Variants in CACNA1A observed in about 807,000 individuals in gnomAD.
CACNA1A encodes calcium voltage-gated channel subunit alpha1 A, also known as voltage-dependent P/Q-type calcium channel subunit alpha-1A.
A neutral mutation model predicts 262.4 loss-of-function variants in CACNA1A; 57 were observed. That is an observed-to-expected ratio of 0.22 (90% CI 0.18 to 0.27). The LOEUF is 0.27. CACNA1A is among the 10% of genes least tolerant of loss of function. CACNA1A has a pLI of 1.00. For synonymous variants in CACNA1A, 1,431 were observed against 1,419.3 expected (o/e 1.01, Z -0.18); for missense variants, 2,526 against 3,562.8 (o/e 0.71, Z 7.41).
At chr19:13,313,109 G>A (rs1568524294) in intron 11 of CACNA1A, among the ~76,000 whole-genome samples, 2 of 152,012 alleles carry the variant, frequency 1.3e-5, no homozygotes, top group Non-Finnish European at 2.9e-5. Context: ...GATCCTCCCA[G>A]CACAGCCTCC....
At chr19:13,467,152 A>G (rs1006347812) in intron 1 of CACNA1A, among the ~76,000 whole-genome samples, 4 of 152,170 alleles carry the variant, frequency 2.6e-5, no homozygotes, top group Non-Finnish European at 5.9e-5. Context: ...TGTGTGTGGG[A>G]AAAAATTTGA....
intron 1 of CACNA1A, among the ~76,000 whole-genome samples, chr19:13,455,944 C>T (rs1243416675): frequency 6.7e-6 from 1 of 149,360 alleles, no homozygotes; most frequent in African/African-American, 2.5e-5. Flanking sequence ...GCGGTCAGGA[C>T]TTTGAGACCA....
intron 1 of CACNA1A, among the ~76,000 whole-genome samples, chr19:13,488,096 A>G (rs1980254270): frequency 6.6e-6 from 1 of 152,134 alleles, no homozygotes; most frequent in African/African-American, 2.4e-5. Flanking sequence ...AGCACTTTGA[A>G]TCATCCCATC....
chr19:13,214,651 G>T lies in CACNA1A; in HGVS notation c.5732-43C>A. 2 of 1,480,300 alleles carry T rather than the reference G, an allele frequency of 1.4e-6. No individual in the cohort carries two copies. Among genetic ancestry groups the T allele is most frequent in the Non-Finnish European group, 1.9e-6 (2 of 1,065,950 alleles). 91.7% of individuals were successfully genotyped at this position (1,480,300 alleles called of 1,614,324 possible). A position where few individuals can be genotyped will look rare whatever the true frequency, so the allele number is the denominator to read the frequency against. On this transcript the variant is annotated intron_variant, in intron 38 of 46. Coordinates refer to ENST00000360228, the MANE Select transcript of CACNA1A (RefSeq NM_001127222.2). This position sits in a 1 kb window ranked among gnomAD's most constrained non-coding sequence, Gnocchi z 4.1. The stretch of plus-strand genomic sequence containing the variant: ...ACAGACCCTGACTGCCTGCCTGGGT[G>T]TCAGCTGGACTCTGGGTCAGCTGCA...
rs1007419624 is a variant in CACNA1A, at chr19:13,313,498, T to TAAA, written c.1556-720_1556-718dup. ...CTGGGTGACAGAGCAAGACCTTGTC[T>TAAA]AAAAAAAAAAAAAAAAAAAAAAAGC... On this transcript the variant is annotated intron_variant, in intron 11 of 46. Coordinates refer to ENST00000360228, the MANE Select transcript of CACNA1A (RefSeq NM_001127222.2). Among the ~76,000 whole-genome samples, 204 of 65,688 alleles carry TAAA rather than the reference T, an allele frequency of 3.1e-3. 7 individuals carry two copies. Among genetic ancestry groups the TAAA allele is most frequent in the African/African-American group, 8.9e-3 (134 of 15,014 alleles). The allele number at this position is 65,688 out of a possible 152,430, so 43.1% of individuals were successfully genotyped here.
At chr19:13,228,630 T>A in intron 36 of CACNA1A, 1 of 410,960 alleles carries the variant, frequency 2.4e-6, no homozygotes, top group Non-Finnish European at 4.2e-6. Flanking sequence ...ATATATGAAA[T>A]ATATATATTG....
At chr19:13,279,648 C>G (rs2057239015) in intron 22 of CACNA1A, among the ~76,000 whole-genome samples, 1 of 151,964 alleles carries the variant, frequency 6.6e-6, no homozygotes, top group Non-Finnish European at 1.5e-5. Context: ...CCACGCCCGG[C>G]TAATTTTTGT....
rs3050829 is a variant in CACNA1A at position 13,213,672 on chromosome 19, CTTTTTTTTTTT to C, written c.5940+550_5940+560del. The C allele has an allele frequency of 6.5e-4, 57 of 87,682 alleles. 1 individual carries two copies. Among genetic ancestry groups the C allele is most frequent in the East Asian group, 2.2e-3 (8 of 3,718 alleles). The allele number at this position is 87,682 out of a possible 1,614,324, so 5.4% of individuals were successfully genotyped here. ...CCACATGATGTGTCCTTGGCAAGAA[CTTTTTTTTTTT>C]TTTTTTTTTTTTTTTTTGAGATAGA... On this transcript the variant is annotated intron_variant, in intron 40 of 46. Coordinates refer to ENST00000360228, the MANE Select transcript of CACNA1A (RefSeq NM_001127222.2).
chr19:13,466,734 C>A (rs2061249712), intron 1 of CACNA1A, among the ~76,000 whole-genome samples: 1 of 151,838 alleles, frequency 6.6e-6, no homozygotes, highest in Admixed American at 6.6e-5. Context: ...ACCACGCATC[C>A]TTGTGCACTT....
chr19:13,320,690 T>C (rs1203684030), intron 10 of CACNA1A, among the ~76,000 whole-genome samples: 2 of 152,126 alleles, frequency 1.3e-5, no homozygotes, highest in Non-Finnish European at 2.9e-5. Context: ...CTTCTGTTAG[T>C]TGAATTTCAT....
chr19:13,385,860 T>C (rs1234817036), intron 3 of CACNA1A, among the ~76,000 whole-genome samples: 1 of 151,962 alleles, frequency 6.6e-6, no homozygotes, highest in African/African-American at 2.4e-5. Flanking sequence ...GAAGGCTCAG[T>C]ATTTAAAGAA....
rs73922391 is a variant in CACNA1A, at chr19:13,418,441, A to G, written c.539+34435T>C. ...TTATGTTGATGTCCTAATCCCTGGA[A>G]TGCTACCTTATTTAGAAAAAATAAG... On this transcript the variant is annotated intron_variant, in intron 3 of 46. Coordinates refer to ENST00000360228, the MANE Select transcript of CACNA1A (RefSeq NM_001127222.2). Among the ~76,000 whole-genome samples, 589 of 152,298 alleles carry G rather than the reference A, an allele frequency of 3.9e-3. 6 individuals carry two copies. The highest frequency in any genetic ancestry group is 0.013 in the African/African-American group (543 of 41,554).
intron 46 of CACNA1A, 137 bp downstream of exon 46, chr19:13,208,619 T>G (rs1040989259): frequency 7.2e-5 from 82 of 1,131,676 alleles, no homozygotes; most frequent in Non-Finnish European, 9.0e-5. Flanking sequence ...CCCCGGTGGC[T>G]TGGGGGCAGG....
At position 13,334,372 on chromosome 19, in the gene CACNA1A, C is replaced by A. The variant is rs2058519990; in HGVS notation, c.1198+6G>T. ...ATCCCTGGGCCCCAGGATGAAAGGG[C>A]CTCACCTGCTTTTGAGATCCACTCC... On this transcript the variant is annotated splice_donor_region_variant and intron_variant, in intron 8 of 46. Transcript: ENST00000360228. 7.0e-7 allele frequency: 1 copy of A among 1,422,092 alleles called. No individual in the cohort carries two copies. The highest frequency in any genetic ancestry group is 1.1e-5 in the South Asian group (1 of 87,264). 88.1% of individuals were successfully genotyped at this position (1,422,092 alleles called of 1,614,324 possible).
rs781006387 is a variant in CACNA1A at position 13,298,641 on chromosome 19, C to T, written c.2992G>A (p.Gly998Arg). 36 of 1,520,620 alleles carry T rather than the reference C, an allele frequency of 2.4e-5. No individual in the cohort carries two copies. The highest frequency in any genetic ancestry group is 1.2e-4 in the South Asian group (10 of 81,642). The allele number at this position is 1,520,620 out of a possible 1,614,324, so 94.2% of individuals were successfully genotyped here. The change falls in exon 19 of 47, where the codon GGG becomes AGG. Residue 998 changes from glycine to arginine, a missense_variant. Gly to Arg is a moderately radical substitution (Grantham distance 125). Around this residue, in one of 17 missense-constraint regions of CACNA1A, gnomAD observed 765 missense variants for 748.6 expected, o/e 1.02. Transcript: ENST00000360228. ...GGEGEGEGPD[G>R]GERRRRHRHG... Reference sequence around the variant, plus strand: ...CGGTGCCTTCTCCTGCGCTCGCCCCCGTCGGGGCCCTCGCCCTCGCCCTCG... The same window carrying T: ...CGGTGCCTTCTCCTGCGCTCGCCCCTGTCGGGGCCCTCGCCCTCGCCCTCG...
At chr19:13,462,616 C>T (rs1338447814) in intron 1 of CACNA1A, among the ~76,000 whole-genome samples, 1 of 152,208 alleles carries the variant, frequency 6.6e-6, no homozygotes, top group African/African-American at 2.4e-5. Context: ...AACATTTCTA[C>T]AAGGTGGGTT....
chr19:13,318,735 G>A (rs1435633839), intron 10 of CACNA1A, among the ~76,000 whole-genome samples: 1 of 152,052 alleles, frequency 6.6e-6, no homozygotes, highest in Admixed American at 6.6e-5. Flanking sequence ...AAGAGAGAGG[G>A]ATGAGCCAAG....
chr19:13,223,762 G>A (rs1305482554), intron 38 of CACNA1A, among the ~76,000 whole-genome samples: 1 of 152,142 alleles, frequency 6.6e-6, no homozygotes, highest in Admixed American at 6.6e-5. Flanking sequence ...GGATCCATGA[G>A]ACACTGCCTT....
chr19:13,336,524 A>C (rs755326236), intron 6 of CACNA1A, among the ~76,000 whole-genome samples: 2 of 151,152 alleles, frequency 1.3e-5, no homozygotes, highest in Non-Finnish European at 2.9e-5. Flanking sequence ...GAAGGAAGTA[A>C]GATGAGGGGA....
Sources: allele counts gnomAD v4.1 joint callset (sites outside exome capture counted in the v4.1 genomes callset), GRCh38; gene constraint gnomAD v4.1.1; regional missense constraint gnomAD v4.1.1; non-coding constraint Gnocchi (gnomAD v3.1); transcripts MANE v1.5; gene names NCBI Gene and HGNC (gene_info 2026-07-23, HGNC 2026-07-21).